The following THBS4 variants were observed in gnomAD, a reference collection of about 807,000 sequenced individuals.
The protein encoded by THBS4 is thrombospondin-4.
In THBS4, 90 loss-of-function variants were observed where a neutral mutation model predicts 115.7. That is an observed-to-expected ratio of 0.78 (90% CI 0.66 to 0.93). The LOEUF (loss-of-function observed/expected upper bound fraction) is 0.93, where lower values mean the gene tolerates loss of function less well. Among genes scored for constraint, THBS4 ranks in the 40% least tolerant of loss-of-function variants. THBS4 has a pLI of 0.00. For missense variants in THBS4, 1,087 were observed against 1,232.7 expected, an observed-to-expected ratio of 0.88 and a Z score of 1.77; for synonymous variants, 460 against 479.3, an observed-to-expected ratio of 0.96 and a Z score of 0.53.
At position 80,026,900 on chromosome 5, in the gene THBS4, A is replaced by T. The variant is rs115395686; in HGVS notation, n.178-13177A>T. On this transcript the variant is annotated intron_variant and non_coding_transcript_variant, in intron 2 of 3. Coordinates refer to the THBS4 transcript ENST00000510218. Reference sequence around the variant, plus strand: ...CTTTAATTTTTTTCCCCACACTCTCATTCCCATTCTGATTTACCAGGACAT... The same window carrying T: ...CTTTAATTTTTTTCCCCACACTCTCTTTCCCATTCTGATTTACCAGGACAT... 2.9e-3 allele frequency among the ~76,000 whole-genome samples: 438 copies of T among 152,152 alleles called. 3 individuals carry two copies. The highest frequency in any genetic ancestry group is 0.01 in the African/African-American group (428 of 41,504).
At chr5:80,071,960 A>C (rs1362763822) in intron 13 of THBS4, 4 of 300,296 alleles carry the variant, frequency 1.3e-5, no homozygotes, top group Admixed American at 3.9e-5. Context: ...GGTCTCAGTC[A>C]TAGCTCAGAT....
At chr5:80,035,203 G>T, upstream of THBS4, 1 of 154,084 alleles carries the variant, frequency 6.5e-6, no homozygotes, top group East Asian at 1.9e-4. The surrounding 1 kb of genome is among the most constrained non-coding windows in gnomAD (Gnocchi z 4.6). Context: ...CCTCACACCC[G>T]CGCCTTTCTC....
intron 2 of THBS4, among the ~76,000 whole-genome samples, chr5:80,017,507 T>C (rs1832275641): frequency 6.6e-6 from 1 of 152,214 alleles, no homozygotes; most frequent in African/African-American, 2.4e-5. Flanking sequence ...TACCTGCTTC[T>C]GAAAAATACA....
intron 2 of THBS4, among the ~76,000 whole-genome samples, chr5:80,025,157 AT>A (rs1205104111): frequency 6.6e-6 from 1 of 152,200 alleles, no homozygotes; most frequent in East Asian, 1.9e-4. Flanking sequence ...GGTTATTATT[AT>A]GATGTGGGTT....
intron 2 of THBS4, among the ~76,000 whole-genome samples, chr5:80,020,689 A>G (rs902462921): frequency 2.0e-5 from 3 of 152,138 alleles, no homozygotes; most frequent in Non-Finnish European, 4.4e-5. Context: ...CGTGGGATTC[A>G]GAGTCATCAC....
chr5:80,082,088 T>G, intron 20 of THBS4: 1 of 266,956 alleles, frequency 3.7e-6, no homozygotes, highest in Non-Finnish European at 7.0e-6. Flanking sequence ...CAGGTTTGGT[T>G]TGGTTTGATT....
Position 80,072,404 on chromosome 5 carries a change from G to A in THBS4, c.1839+8G>A, listed in dbSNP as rs1397395817. ...GTCAGCAACCCTAACCAGGTTAGTA[G>A]GATACTGGGGAATTCAAACTCCAGG... On this transcript the variant is annotated splice_region_variant and intron_variant, in intron 14 of 21. Transcript: ENST00000350881. 1 of 1,608,252 alleles carries A rather than the reference G, an allele frequency of 6.2e-7. No individual in the cohort carries two copies. The highest frequency in any genetic ancestry group is 1.3e-5 in the African/African-American group (1 of 74,950).
intron 20 of THBS4, chr5:80,082,018 G>GGTA (rs150081612): frequency 0.018 from 2,971 of 167,488 alleles, 84 homozygotes; most frequent in African/African-American, 0.067. Context: ...TTTTAAGCAT[G>GGTA]GTATCTAGAC....
chr5:80,010,882 T>G (rs1271388914), intron 2 of THBS4, among the ~76,000 whole-genome samples: 2 of 152,200 alleles, frequency 1.3e-5, no homozygotes, highest in African/African-American at 4.8e-5. Flanking sequence ...CTGAGGCAAT[T>G]CTCAAAGGGA....
At chr5:80,061,917 A>G in intron 8 of THBS4, 85 bp downstream of exon 8, 1 of 1,415,174 alleles carries the variant, frequency 7.1e-7, no homozygotes, top group Non-Finnish European at 9.4e-7. Context: ...ATAAACCTTT[A>G]CCTCCATGAG....
Position 80,072,716 on chromosome 5 carries a change from C to T in THBS4, c.1839+320C>T. On this transcript the variant is annotated intron_variant, in intron 14 of 21. Coordinates refer to ENST00000350881, the MANE Select transcript of THBS4 (RefSeq NM_003248.6). ...AAATTAACCATTGGGAGCCTTGTGT[C>T]CCTTTAGTCCCTAAACCCCTACACA... is the stretch of plus-strand genomic sequence containing the variant. 1.2e-5 allele frequency: 4 copies of T among 333,776 alleles called. No individual in the cohort carries two copies. In the South Asian group the frequency reaches 1.8e-4, roughly 15 times the overall value. 20.7% of individuals were successfully genotyped at this position (333,776 alleles called of 1,614,324 possible). A position where few individuals can be genotyped will look rare whatever the true frequency, so the allele number is the denominator to read the frequency against.
At chr5:80,067,411 A>T (rs1388257500) in intron 9 of THBS4, 6 of 151,946 alleles carry the variant, frequency 3.9e-5, no homozygotes, top group Admixed American at 2.6e-4. Context: ...TATATATATA[A>T]AAGCTAAAAA....
chr5:80,029,041 C>A (rs9293797), intron 2 of THBS4, among the ~76,000 whole-genome samples: 2 of 152,002 alleles, frequency 1.3e-5, no homozygotes, highest in Non-Finnish European at 2.9e-5. Context: ...AACATGCCCC[C>A]AGGAAATGAA....
chr5:79,993,088 A>G (rs1481165232), intron 1 of THBS4, among the ~76,000 whole-genome samples: 2 of 152,218 alleles, frequency 1.3e-5, no homozygotes, highest in Non-Finnish European at 2.9e-5. Context: ...GTGAATGAAC[A>G]TTCTTAGTGG....
intron 2 of THBS4, among the ~76,000 whole-genome samples, chr5:80,022,066 A>C (rs370511746): frequency 1.1e-4 from 16 of 152,190 alleles, no homozygotes; most frequent in African/African-American, 3.9e-4. Context: ...AAGGTTTCCT[A>C]CTGGGCTTTT....
chr5:80,058,879 C>T (rs411943), intron 5 of THBS4, 89 bp downstream of exon 5: 680,187 of 1,315,478 alleles, frequency 0.52, 176,521 homozygotes, highest in African/African-American at 0.63. Context: ...TGCCCAGGCA[C>T]GGGGGCAGCC....
chr5:80,021,111 T>C (rs573230505), intron 2 of THBS4, among the ~76,000 whole-genome samples: 75 of 152,300 alleles, frequency 4.9e-4, no homozygotes, highest in African/African-American at 1.8e-3. Context: ...TTGGTAGCTA[T>C]AGAGAATCTT....
intron 2 of THBS4, among the ~76,000 whole-genome samples, chr5:80,046,660 A>C (rs1176768883): frequency 1.3e-5 from 2 of 152,232 alleles, no homozygotes; most frequent in Non-Finnish European, 2.9e-5. Flanking sequence ...CTGTGAGCAT[A>C]ATGTATCTGA....
intron 21 of THBS4, 79 bp downstream of exon 21, chr5:80,082,624 T>TCCCC: frequency 6.4e-7 from 1 of 1,550,436 alleles, no homozygotes; most frequent in African/African-American, 1.4e-5. Context: ...ATACCGCACT[T>TCCCC]CCCCCCCAAA....
Sources: allele counts gnomAD v4.1 joint callset (sites outside exome capture counted in the v4.1 genomes callset), GRCh38; gene constraint gnomAD v4.1.1; non-coding constraint Gnocchi (gnomAD v3.1); transcripts MANE v1.5; gene names NCBI Gene and HGNC (gene_info 2026-07-23, HGNC 2026-07-21).